The following COMMD10 variants were observed in gnomAD, a reference collection of about 807,000 sequenced individuals.
COMMD10 encodes COMM domain containing 10.
In COMMD10, 33 loss-of-function variants were observed where a neutral mutation model predicts 28.9. That is an observed-to-expected ratio of 1.14 (90% CI 0.87 to 1.53). COMMD10 has a LOEUF of 1.53. Among genes scored for constraint, COMMD10 ranks in the 40% most tolerant of loss-of-function variants. COMMD10 has a pLI of 0.00. For synonymous variants in COMMD10, 110 were observed against 81.7 expected, an observed-to-expected ratio of 1.35 and a Z score of -1.87; for missense variants, 310 against 233.4, an observed-to-expected ratio of 1.33 and a Z score of -2.14.
chr5:116,183,328 A>C (rs1361331003), intron 5 of COMMD10, among the ~76,000 whole-genome samples: 2 of 152,020 alleles, frequency 1.3e-5, no homozygotes, highest in Non-Finnish European at 2.9e-5. Context: ...AACTTAGCAG[A>C]CTCCTTGAGA....
intron 4 of COMMD10, among the ~76,000 whole-genome samples, chr5:116,131,421 A>G (rs563835618): frequency 7.3e-5 from 11 of 151,166 alleles, no homozygotes; most frequent in Admixed American, 2.0e-4. Flanking sequence ...GTATGTATGT[A>G]TGTATGTATG....
chr5:116,233,532 G>T (rs553446542), intron 5 of COMMD10, among the ~76,000 whole-genome samples: 1 of 152,060 alleles, frequency 6.6e-6, no homozygotes, highest in Non-Finnish European at 1.5e-5. Context: ...AAAACAACTA[G>T]GTTGTCTAAT....
chr5:116,097,806 AAGAG>A (rs1303145884), intron 4 of COMMD10, among the ~76,000 whole-genome samples: 1 of 152,002 alleles, frequency 6.6e-6, no homozygotes, highest in African/African-American at 2.4e-5. Flanking sequence ...GAGCAGGAAC[AAGAG>A]AGAGAGGGAG....
chr5:116,252,856 T>A (rs913402359), intron 5 of COMMD10, among the ~76,000 whole-genome samples: 1 of 117,528 alleles, frequency 8.5e-6, no homozygotes, highest in African/African-American at 3.1e-5. Context: ...GGTAGCTTGA[T>A]GGGGATGGCA....
At chr5:116,180,002 A>T (rs1001605205) in intron 5 of COMMD10, among the ~76,000 whole-genome samples, 2 of 152,032 alleles carry the variant, frequency 1.3e-5, no homozygotes, top group Non-Finnish European at 2.9e-5. Flanking sequence ...GCTGGGATGA[A>T]TTGAGGTTTT....
intron 5 of COMMD10, among the ~76,000 whole-genome samples, chr5:116,157,378 G>A (rs1396483): frequency 1 from 151,935 of 152,318 alleles, 75,783 homozygotes; most frequent in Middle Eastern, 1. Context: ...TTGGCTGGCT[G>A]GGCTTGGCTG....
rs182117616 is a variant in COMMD10, at chr5:116,116,525, T to C, written c.400-17543T>C. On this transcript the variant is annotated intron_variant, in intron 4 of 6. Transcript: ENST00000274458. ...TATAGCAAGGGTATTTTGTTGTAAT[T>C]ATATTCACATGCAATTCAAATTTCT... Among the ~76,000 whole-genome samples, 22 of 152,330 alleles carry C rather than the reference T, an allele frequency of 1.4e-4. No individual in the cohort carries two copies. In the East Asian group the frequency reaches 4.0e-3, roughly 28 times the overall value.
chr5:116,206,123 A>G (rs1363481), intron 5 of COMMD10, among the ~76,000 whole-genome samples: 56,897 of 152,078 alleles, frequency 0.37, 13,165 homozygotes, highest in African/African-American at 0.66. Context: ...TCAGCTCCCA[A>G]GGAGCTTCAT....
intron 5 of COMMD10, among the ~76,000 whole-genome samples, chr5:116,228,860 A>T (rs1673787316): frequency 6.6e-6 from 1 of 152,152 alleles, no homozygotes; most frequent in African/African-American, 2.4e-5. Flanking sequence ...AGCAAAGAAA[A>T]ATTACTGAAA....
intron 5 of COMMD10, among the ~76,000 whole-genome samples, chr5:116,241,498 G>T (rs1342591734): frequency 6.6e-6 from 1 of 152,014 alleles, no homozygotes; most frequent in Non-Finnish European, 1.5e-5. Flanking sequence ...CTGTACGTAA[G>T]AATACTTTTA....
intron 5 of COMMD10, among the ~76,000 whole-genome samples, chr5:116,280,427 G>A (rs570416145): frequency 1.3e-4 from 19 of 151,898 alleles, no homozygotes; most frequent in African/African-American, 4.4e-4. Context: ...TTGGAGAGAT[G>A]GGAAGAGAAT....
At chr5:116,116,617 C>T (rs145791337) in intron 4 of COMMD10, among the ~76,000 whole-genome samples, 388 of 152,088 alleles carry the variant, frequency 2.6e-3, no homozygotes, top group Non-Finnish European at 4.4e-3. Context: ...TGCTTAAATT[C>T]ACTGACTATA....
At chr5:116,266,339 T>TTA (rs1408334099) in intron 5 of COMMD10, among the ~76,000 whole-genome samples, 9 of 151,848 alleles carry the variant, frequency 5.9e-5, no homozygotes, top group African/African-American at 2.2e-4. Context: ...GGTTAAGCTG[T>TTA]TATATTTTTC....
At chr5:116,209,943 G>T (rs1748915731) in intron 5 of COMMD10, among the ~76,000 whole-genome samples, 1 of 152,200 alleles carries the variant, frequency 6.6e-6, no homozygotes, top group Admixed American at 6.5e-5. Flanking sequence ...AGATTTATTT[G>T]ACCCATAGTT....
At chr5:116,186,181 G>T (rs1748130399) in intron 5 of COMMD10, among the ~76,000 whole-genome samples, 1 of 152,088 alleles carries the variant, frequency 6.6e-6, no homozygotes, top group African/African-American at 2.4e-5. Context: ...TATTGGTTCA[G>T]CTGCAACTCT....
chr5:116,170,583 C>T lies in COMMD10; in HGVS notation c.510+36405C>T, dbSNP rs143961341. On this transcript the variant is annotated intron_variant, in intron 5 of 6. Coordinates refer to ENST00000274458, the MANE Select transcript of COMMD10 (RefSeq NM_016144.4). ...AGGCATCACACTACCTAACTTAAAA[C>T]TATACTACAAGGCTACAGTAACCAA... Among the ~76,000 whole-genome samples the T allele has an allele frequency of 2.3e-3, 352 of 152,212 alleles. 1 individual carries two copies. The highest frequency in any genetic ancestry group is 3.9e-3 in the Non-Finnish European group (266 of 68,012).
At chr5:116,264,157 G>A (rs911302436) in intron 5 of COMMD10, among the ~76,000 whole-genome samples, 1 of 151,668 alleles carries the variant, frequency 6.6e-6, no homozygotes, top group Non-Finnish European at 1.5e-5. Context: ...ACCTCTTGCT[G>A]TATAGGAGCC....
At chr5:116,185,687 C>G (rs577649183) in intron 5 of COMMD10, among the ~76,000 whole-genome samples, 1 of 152,260 alleles carries the variant, frequency 6.6e-6, no homozygotes, top group African/African-American at 2.4e-5. Flanking sequence ...ACCTCCTTAG[C>G]TCTTGCGTTG....
At chr5:116,098,064 A>G in intron 4 of COMMD10, among the ~76,000 whole-genome samples, 1 of 152,188 alleles carries the variant, frequency 6.6e-6, no homozygotes, top group Admixed American at 6.5e-5. Flanking sequence ...AGAAAATATT[A>G]GTCACTTTAT....
Sources: allele counts gnomAD v4.1 joint callset (sites outside exome capture counted in the v4.1 genomes callset), GRCh38; gene constraint gnomAD v4.1.1; transcripts MANE v1.5; gene names NCBI Gene and HGNC (gene_info 2026-07-23, HGNC 2026-07-21).